ABCG5: variants seen among roughly 807,000 people sequenced by gnomAD.
The protein encoded by ABCG5 is ATP-binding cassette sub-family G member 5.
In ABCG5, 64 loss-of-function variants were observed where a neutral mutation model predicts 64.5. The observed-to-expected ratio is 0.99, with a 90% CI of 0.81 to 1.22. The LOEUF is 1.22. Ranked by LOEUF, ABCG5 falls within the 50% of genes most tolerant of loss-of-function variation. The pLI is 0.00. For missense variants in ABCG5, 908 were observed against 829.5 expected, an observed-to-expected ratio of 1.09 and a Z score of -1.16; for synonymous variants, 385 against 326.3, an observed-to-expected ratio of 1.18 and a Z score of -1.94.
chr2:43,811,954 G>A (rs1666500414), downstream of ABCG5, among the ~76,000 whole-genome samples: 1 of 152,168 alleles, frequency 6.6e-6, no homozygotes, highest in Admixed American at 6.5e-5. Flanking sequence ...TAATACAGGT[G>A]TCTGTATTTA....
In ABCG5 at chr2:43,820,073, G is replaced by A. The variant is rs1667088379; in HGVS notation, c.1491C>T (p.Ala497=). The part of the protein sequence containing the change: ...YWTLGLHPEV[A]RFGYFSAALL... ...GAGCAGCAGAAAAATATCCAAATCG[G>A]GCAACCTCAGGATGTAAGCCCAGCG... is the stretch of plus-strand genomic sequence containing the variant. Residue 497 remains alanine, a synonymous_variant, in exon 11 of 13, where the codon GCC becomes GCT. Coordinates refer to ENST00000405322, the MANE Select transcript of ABCG5 (RefSeq NM_022436.3). The A allele has an allele frequency of 1.2e-6, 2 of 1,613,856 alleles. No individual in the cohort carries two copies. The highest frequency in any genetic ancestry group is 2.2e-5 in the South Asian group (2 of 91,070).
At chr2:43,832,977 T>C (rs1332481024) in intron 2 of ABCG5, among the ~76,000 whole-genome samples, 4 of 151,922 alleles carry the variant, frequency 2.6e-5, no homozygotes, top group African/African-American at 9.7e-5. Flanking sequence ...ACCCGGCTAA[T>C]TTTCGTATTT....
At chr2:43,817,998 G>A (rs550658793) in intron 11 of ABCG5, among the ~76,000 whole-genome samples, 1 of 152,250 alleles carries the variant, frequency 6.6e-6, no homozygotes, top group East Asian at 1.9e-4. Flanking sequence ...AATGTGCTCA[G>A]AAAGCTTAAC....
rs150953445 is a variant in ABCG5, at chr2:43,817,635, C to T, written c.1649+2280G>A. ...AGTTAAAAATGCATTTAAGGCCAGA[C>T]GCGGTGGCTCACGTCTATAATCCCA... On this transcript the variant is annotated intron_variant, in intron 11 of 12. Transcript: ENST00000405322. 4.6e-3 allele frequency among the ~76,000 whole-genome samples: 697 copies of T among 151,490 alleles called. 6 individuals carry two copies. Among genetic ancestry groups the T allele is most frequent in the African/African-American group, 0.016 (670 of 41,322 alleles).
At chr2:43,821,797 T>A (rs1667223572) in intron 10 of ABCG5, among the ~76,000 whole-genome samples, 1 of 152,140 alleles carries the variant, frequency 6.6e-6, no homozygotes, top group Admixed American at 6.5e-5. Flanking sequence ...CTCTCCCCAG[T>A]GCTCAGCAGC....
chr2:43,831,826 C>T lies in ABCG5; in HGVS notation c.444G>A (p.Leu148=). 6.3e-7 allele frequency: 1 copy of T among 1,588,824 alleles called. No homozygotes were observed. Among genetic ancestry groups the T allele is most frequent in the Admixed American group, 1.8e-5 (1 of 55,608 alleles). Residue 148 remains leucine (L), a synonymous_variant, in exon 4 of 13, where the codon CTG becomes CTA. Coordinates refer to ENST00000405322, the MANE Select transcript of ABCG5 (RefSeq NM_022436.3). The part of the protein sequence containing the change: ...LLSSLTVRET[L]HYTALLAIRR... ...GGATGGCCAGCAGCGCGGTGTAGTG[C>T]AGCGTCTCGCGCACGGTGAGGCTGC...
rs749623331 is a variant in ABCG5 at position 43,825,001 on chromosome 2, G to A, written c.792C>T (p.Ala264=). The A allele has an allele frequency of 7.4e-6, 12 of 1,613,820 alleles. No individual in the cohort carries two copies. In the South Asian group the frequency reaches 1.3e-4, roughly 18 times the overall value. Residue 264 remains alanine, a synonymous_variant, in exon 7 of 13, where the codon GCC becomes GCT. Coordinates refer to ENST00000405322, the MANE Select transcript of ABCG5 (RefSeq NM_022436.3). ...AAATCAGCTCTCCGAAGCTCAGGAT[G>A]GCAATTTTGTCAAAGAGCTGACCAG... is the stretch of plus-strand genomic sequence containing the variant. The part of the protein sequence containing the change: ...SELFQLFDKI[A]ILSFGELIFC...
At chr2:43,819,866 T>C (rs1169203262) in intron 11 of ABCG5, 49 bp downstream of exon 11, 2 of 1,585,364 alleles carry the variant, frequency 1.3e-6, no homozygotes, top group East Asian at 2.2e-5. Flanking sequence ...TAGGTGATCA[T>C]TAATAACAGA....
At chr2:43,837,812 G>T in intron 2 of ABCG5, 22 bp downstream of exon 2, 1 of 1,613,400 alleles carries the variant, frequency 6.2e-7, no homozygotes, top group African/African-American at 1.3e-5. Context: ...ATCCTTTTTA[G>T]AATCCTCCTT....
At chr2:43,833,193 G>C (rs898069372) in intron 2 of ABCG5, among the ~76,000 whole-genome samples, 1 of 152,046 alleles carries the variant, frequency 6.6e-6, no homozygotes, top group Non-Finnish European at 1.5e-5. Context: ...CATAGGCCCA[G>C]AGTTCATGGA....
rs980495592 is a variant in ABCG5 at position 43,838,598 on chromosome 2, C to A, written c.82G>T (p.Ala28Ser). The change falls in exon 1 of 13, where the codon GCT (alanine) becomes TCT (serine). Residue 28 changes from alanine to serine, a missense_variant. By Grantham distance (99) the Ala-to-Ser change is moderately conservative. Coordinates refer to ENST00000405322, the MANE Select transcript of ABCG5 (RefSeq NM_022436.3). This position sits in a 1 kb window ranked among gnomAD's most constrained non-coding sequence, Gnocchi z 4.2. Reference protein sequence around the residue: ...NRGSQSSLEGAPATAPEPHSL... With the variant: ...NRGSQSSLEGSPATAPEPHSL... ...TGAGGCTCCGGGGCGGTGGCAGGAGCCCCCTCCAGGGAGCTCTGGGAGCCT... is the reference window on the plus strand; with the variant it reads ...TGAGGCTCCGGGGCGGTGGCAGGAGACCCCTCCAGGGAGCTCTGGGAGCCT... 6.2e-7 allele frequency: 1 copy of A among 1,611,558 alleles called. No homozygotes were observed. Among genetic ancestry groups the A allele is most frequent in the Non-Finnish European group, 8.5e-7 (1 of 1,179,302 alleles).
At chr2:43,811,792 C>T (rs1666490636), downstream of ABCG5, among the ~76,000 whole-genome samples, 2 of 152,238 alleles carry the variant, frequency 1.3e-5, no homozygotes, top group East Asian at 3.9e-4. Context: ...GACGGGGTTT[C>T]ACCATGTTGG....
chr2:43,823,892 C>T, intron 9 of ABCG5, 21 bp downstream of exon 9: 1 of 1,612,464 alleles, frequency 6.2e-7, no homozygotes, highest in Non-Finnish European at 8.5e-7. Flanking sequence ...AGAGGTGCAC[C>T]TCCAGCACGT....
intron 11 of ABCG5, among the ~76,000 whole-genome samples, chr2:43,817,345 C>T (rs564387065): frequency 2.6e-5 from 4 of 151,856 alleles, no homozygotes; most frequent in South Asian, 2.1e-4. Context: ...ATTAGCTGGG[C>T]GTGGTGGTGC....
At position 43,824,015 on chromosome 2, in the gene ABCG5, G is replaced by A. The variant is rs119479065; in HGVS notation, c.1222C>T (p.Arg408Ter). The A allele has an allele frequency of 7.4e-6, 12 of 1,614,038 alleles. No homozygotes were observed. The highest frequency in any genetic ancestry group is 2.2e-5 in the South Asian group (2 of 91,094). The change falls in exon 9 of 13, where the codon CGA (arginine) becomes TGA (stop). Residue 408 changes from arginine to a stop codon, truncating the protein, a stop_gained. Coordinates refer to ENST00000405322, the MANE Select transcript of ABCG5 (RefSeq NM_022436.3). LOFTEE classifies it high-confidence loss of function. Reference sequence around the variant, plus strand: ...ATAGCACCCTTTAGCACATTGCTTCGGACCCGCAGAACGAAGAAAAGGAGG... The same window carrying A: ...ATAGCACCCTTTAGCACATTGCTTCAGACCCGCAGAACGAAGAAAAGGAGG... ...LFLLFFVLRV[R>*]SNVLKGAIQD...
Position 43,814,507 on chromosome 2 carries a change from T to C in ABCG5, c.1732A>G (p.Asn578Asp). The C allele has an allele frequency of 1.9e-6, 3 of 1,608,538 alleles. No homozygotes were observed. Among genetic ancestry groups the C allele is most frequent in the Non-Finnish European group, 2.6e-6 (3 of 1,175,208 alleles). ...GTGAAATTCAGTCCGTAGAACTCAT[T>C]GACTACAAGAATCTCACTGCAATAT... ...QKYCSEILVV[N>D]EFYGLNFTCG... The change falls in exon 12 of 13, where the codon AAT becomes GAT. Residue 578 changes from asparagine (N) to aspartate (D), a missense_variant. By Grantham distance (23) the Asn-to-Asp change is conservative. Coordinates refer to ENST00000405322, the MANE Select transcript of ABCG5 (RefSeq NM_022436.3).
chr2:43,819,722 A>G (rs1014847729), intron 11 of ABCG5, among the ~76,000 whole-genome samples, 193 bp downstream of exon 11: 1 of 152,206 alleles, frequency 6.6e-6, no homozygotes, highest in Non-Finnish European at 1.5e-5. Context: ...CCCGATAAAA[A>G]AGACATTTTA....
intron 2 of ABCG5, among the ~76,000 whole-genome samples, chr2:43,837,565 T>A (rs967907142): frequency 3.9e-5 from 6 of 152,072 alleles, no homozygotes; most frequent in African/African-American, 1.4e-4. Flanking sequence ...GGAAATTGTG[T>A]TTCCTGAGTA....
At chr2:43,811,591 A>C (rs1666481868), downstream of ABCG5, among the ~76,000 whole-genome samples, 1 of 152,054 alleles carries the variant, frequency 6.6e-6, no homozygotes, top group Non-Finnish European at 1.5e-5. Flanking sequence ...AGTAATTTTA[A>C]TACAGAACCT....
Sources: gnomAD v4.1 joint callset for allele counts (sites outside exome capture counted in the v4.1 genomes callset) on GRCh38, gnomAD v4.1.1 for gene constraint, Gnocchi (gnomAD v3.1) non-coding constraint, MANE v1.5 for transcripts, NCBI Gene and HGNC (gene_info 2026-07-23, HGNC 2026-07-21) for gene names.